LRRIQ3: variants seen among roughly 807,000 people sequenced by gnomAD.
The protein encoded by LRRIQ3 is leucine rich repeats and IQ motif containing 3.
Under a neutral mutation model 59.3 loss-of-function variants are expected in LRRIQ3, and 75 were observed. That is an observed-to-expected ratio of 1.26 (90% CI 1.05 to 1.53). LRRIQ3 has a LOEUF of 1.53. Among genes scored for constraint, LRRIQ3 ranks in the 40% most tolerant of loss-of-function variants. The probability of loss-of-function intolerance (pLI) is 0.00; values close to 1 mark genes in which losing one functional copy is unlikely to be tolerated. For missense variants in LRRIQ3, 831 were observed against 710.0 expected (o/e 1.17, Z -1.94); for synonymous variants, 250 against 231.3 (o/e 1.08, Z -0.73).
chr1:74,170,215 A>G (rs910279611), intron 3 of LRRIQ3, among the ~76,000 whole-genome samples: 1 of 151,728 alleles, frequency 6.6e-6, no homozygotes, highest in Non-Finnish European at 1.5e-5. Flanking sequence ...GCTTTTGTTG[A>G]TTGTGTTTTT....
intron 4 of LRRIQ3, chr1:74,138,506 C>A (rs1011514436): frequency 4.1e-6 from 4 of 984,382 alleles, no homozygotes; most frequent in Non-Finnish European, 4.8e-6. Context: ...AGTTGAATGT[C>A]TGTTGTCTCA....
At chr1:74,081,844 T>G (rs1646276190) in intron 5 of LRRIQ3, 1 of 151,480 alleles carries the variant, frequency 6.6e-6, no homozygotes, top group Non-Finnish European at 1.5e-5. Flanking sequence ...CCTTAAATAA[T>G]TAATATCATT....
chr1:74,120,349 C>T (rs945163428), intron 4 of LRRIQ3, among the ~76,000 whole-genome samples: 4 of 151,926 alleles, frequency 2.6e-5, no homozygotes, highest in African/African-American at 9.7e-5. Context: ...ATCTCTTGAC[C>T]TTGTGATCCG....
chr1:74,094,547 T>C (rs1402261524), intron 5 of LRRIQ3, among the ~76,000 whole-genome samples: 3 of 152,074 alleles, frequency 2.0e-5, no homozygotes, highest in Non-Finnish European at 4.4e-5. Context: ...ATGTAAACAC[T>C]TTGATTTAGT....
chr1:74,139,314 A>G (rs1308411630), intron 4 of LRRIQ3, among the ~76,000 whole-genome samples: 1 of 151,480 alleles, frequency 6.6e-6, no homozygotes, highest in East Asian at 2.0e-4. Flanking sequence ...GAGGGAGGGA[A>G]GGAAAAAGCG....
intron 6 of LRRIQ3, among the ~76,000 whole-genome samples, chr1:74,058,327 T>C (rs371008210): frequency 1.3e-5 from 2 of 152,196 alleles, no homozygotes; most frequent in East Asian, 3.9e-4. Context: ...CCTTTGTTCA[T>C]CAATAGATGA....
At chr1:74,051,153 T>C (rs570161152) in intron 6 of LRRIQ3, among the ~76,000 whole-genome samples, 1 of 152,298 alleles carries the variant, frequency 6.6e-6, no homozygotes, top group South Asian at 2.1e-4. Flanking sequence ...CTGGAGCCTA[T>C]TTCTTTATAT....
At chr1:74,176,908 T>C (rs996797443) in intron 3 of LRRIQ3, among the ~76,000 whole-genome samples, 4 of 152,154 alleles carry the variant, frequency 2.6e-5, no homozygotes, top group Non-Finnish European at 5.9e-5. Flanking sequence ...GGTGTTGGGT[T>C]GCTTCACTTG....
intron 6 of LRRIQ3, among the ~76,000 whole-genome samples, chr1:74,056,827 T>C (rs562598477): frequency 6.6e-6 from 1 of 152,278 alleles, no homozygotes; most frequent in Admixed American, 6.5e-5. Flanking sequence ...CTTGAATTGT[T>C]ACCCCCACAT....
chr1:74,097,866 G>C (rs182951222), intron 5 of LRRIQ3, among the ~76,000 whole-genome samples: 1 of 152,254 alleles, frequency 6.6e-6, no homozygotes, highest in African/African-American at 2.4e-5. Context: ...GAGAGATTTT[G>C]TCACCACCAG....
At chr1:74,057,634 T>C (rs940644172) in intron 6 of LRRIQ3, among the ~76,000 whole-genome samples, 7 of 152,086 alleles carry the variant, frequency 4.6e-5, no homozygotes, top group African/African-American at 1.4e-4. Flanking sequence ...CTTGAAACTT[T>C]GAAACTACTA....
chr1:74,063,484 T>C (rs1654786124), intron 6 of LRRIQ3, among the ~76,000 whole-genome samples: 1 of 152,126 alleles, frequency 6.6e-6, no homozygotes, highest in African/African-American at 2.4e-5. Flanking sequence ...AAGTGGTGTA[T>C]AAATGTCTCC....
intron 5 of LRRIQ3, among the ~76,000 whole-genome samples, chr1:74,076,075 G>A (rs916251881): frequency 1.8e-4 from 27 of 152,170 alleles, no homozygotes; most frequent in Middle Eastern, 3.4e-3. Context: ...ATTTGGGCCC[G>A]TTACCATGAC....
intron 6 of LRRIQ3, among the ~76,000 whole-genome samples, chr1:74,058,227 C>A (rs1210930333): frequency 6.6e-6 from 1 of 151,988 alleles, no homozygotes; most frequent in Non-Finnish European, 1.5e-5. Context: ...ACTGGGTGTT[C>A]ATCCAAAGGA....
At chr1:74,157,994 C>T (rs925803429) in intron 3 of LRRIQ3, among the ~76,000 whole-genome samples, 60 of 152,218 alleles carry the variant, frequency 3.9e-4, no homozygotes, top group African/African-American at 1.4e-3. Flanking sequence ...GTAAATGGTA[C>T]CAGTGCCCAC....
At chr1:74,187,240 C>A (rs1344544452) in intron 1 of LRRIQ3, among the ~76,000 whole-genome samples, 1 of 151,904 alleles carries the variant, frequency 6.6e-6, no homozygotes, top group Non-Finnish European at 1.5e-5. Flanking sequence ...ATGTTTATAG[C>A]AGCACAACTC....
intron 7 of LRRIQ3, among the ~76,000 whole-genome samples, chr1:74,036,234 C>T (rs1183233112): frequency 6.6e-6 from 1 of 152,162 alleles, no homozygotes; most frequent in East Asian, 1.9e-4. Flanking sequence ...TTGCTCTCAA[C>T]TTCCGCCTCC....
At chr1:74,169,737 A>G (rs1489841364) in intron 3 of LRRIQ3, among the ~76,000 whole-genome samples, 1 of 152,018 alleles carries the variant, frequency 6.6e-6, no homozygotes, top group Non-Finnish European at 1.5e-5. Flanking sequence ...TTTTGTAGAG[A>G]CAGGGTCTTG....
intron 5 of LRRIQ3, chr1:74,084,111 C>G (rs1341949740): frequency 6.7e-6 from 10 of 1,501,824 alleles, no homozygotes; most frequent in Non-Finnish European, 9.0e-6. Context: ...AGTTTTCATC[C>G]TGTTGTCCAA....
Sources: allele counts gnomAD v4.1 joint callset (sites outside exome capture counted in the v4.1 genomes callset), GRCh38; gene constraint gnomAD v4.1.1; transcripts MANE v1.5; gene names NCBI Gene and HGNC (gene_info 2026-07-23, HGNC 2026-07-21).